KATNAL1: variants seen among roughly 807,000 people sequenced by gnomAD.
KATNAL1 encodes the protein katanin p60 ATPase-containing subunit A-like 1.
A neutral mutation model predicts 55.2 loss-of-function variants in KATNAL1; 32 were observed. The observed-to-expected ratio is 0.58, with a 90% CI of 0.44 to 0.78. The LOEUF is 0.78. KATNAL1 is among the 30% of genes least tolerant of loss of function. The pLI, the probability that KATNAL1 is intolerant of heterozygous loss-of-function variation, is 0.00. For missense variants in KATNAL1, 466 were observed against 600.9 expected (o/e 0.78, Z 2.35); for synonymous variants, 193 against 193.6 (o/e 1.00, Z 0.02).
intron 4 of KATNAL1, among the ~76,000 whole-genome samples, chr13:30,250,580 A>C (rs1878205153): frequency 2.0e-5 from 3 of 152,220 alleles, no homozygotes; most frequent in African/African-American, 7.2e-5. Flanking sequence ...CTCTCAAAAG[A>C]ATATGTCAAT....
intron 1 of KATNAL1, among the ~76,000 whole-genome samples, chr13:30,292,239 T>C (rs1882181975): frequency 6.6e-6 from 1 of 152,158 alleles, no homozygotes; most frequent in Non-Finnish European, 1.5e-5. Flanking sequence ...TGGCTATCCA[T>C]ATGCAAAACA....
At chr13:30,246,319 G>A (rs550935034) in intron 4 of KATNAL1, among the ~76,000 whole-genome samples, 1 of 152,314 alleles carries the variant, frequency 6.6e-6, no homozygotes, top group African/African-American at 2.4e-5. Flanking sequence ...AATAGACGGT[G>A]TTGGGAAAAT....
intron 9 of KATNAL1, among the ~76,000 whole-genome samples, chr13:30,224,148 C>G (rs1875201570): frequency 6.6e-6 from 1 of 151,922 alleles, no homozygotes; most frequent in Non-Finnish European, 1.5e-5. Flanking sequence ...GAAAACAGTT[C>G]TAACTTAATA....
At chr13:30,228,032 T>C (rs1220693484) in intron 8 of KATNAL1, among the ~76,000 whole-genome samples, 1 of 152,186 alleles carries the variant, frequency 6.6e-6, no homozygotes, top group Non-Finnish European at 1.5e-5. Flanking sequence ...AGGTTATATT[T>C]CCATGATGTT....
chr13:30,210,650 G>GA (rs33951005), intron 9 of KATNAL1: 42 of 120,342 alleles, frequency 3.5e-4, no homozygotes, highest in South Asian at 8.8e-4. Context: ...ACTAAAAATT[G>GA]AAAAAAAAAA....
intron 10 of KATNAL1, among the ~76,000 whole-genome samples, chr13:30,209,850 C>T (rs111471335): frequency 0.016 from 2,470 of 152,152 alleles, 64 homozygotes; most frequent in African/African-American, 0.056. Context: ...GGCGCGATCT[C>T]GGCTCACTGC....
chr13:30,281,285 T>A (rs1413387501), intron 2 of KATNAL1, among the ~76,000 whole-genome samples: 2 of 151,502 alleles, frequency 1.3e-5, no homozygotes, highest in East Asian at 3.9e-4. Context: ...TATGAAGGAG[T>A]TACAGATCCA....
chr13:30,290,913 A>G, intron 1 of KATNAL1, among the ~76,000 whole-genome samples: 1 of 152,218 alleles, frequency 6.6e-6, no homozygotes, highest in Non-Finnish European at 1.5e-5. Flanking sequence ...AACATAATTC[A>G]TAAGAATGCT....
chr13:30,220,834 G>A (rs1290490562), intron 9 of KATNAL1, among the ~76,000 whole-genome samples: 2 of 151,956 alleles, frequency 1.3e-5, no homozygotes, highest in Non-Finnish European at 2.9e-5. Flanking sequence ...TGAGTAGCTG[G>A]AATTACAGGC....
intron 4 of KATNAL1, among the ~76,000 whole-genome samples, chr13:30,244,073 T>C (rs1258677219): frequency 6.6e-6 from 1 of 152,092 alleles, no homozygotes; most frequent in Non-Finnish European, 1.5e-5. Flanking sequence ...CATGTTATCC[T>C]TCCCCTAGTC....
chr13:30,261,340 A>C (rs922036015), intron 3 of KATNAL1, among the ~76,000 whole-genome samples: 4 of 152,100 alleles, frequency 2.6e-5, no homozygotes, highest in Non-Finnish European at 5.9e-5. Flanking sequence ...CTAACATCAT[A>C]ATGACAGGAT....
At chr13:30,258,281 C>G (rs604061) in intron 3 of KATNAL1, among the ~76,000 whole-genome samples, 20,573 of 152,168 alleles carry the variant, frequency 0.14, 1,794 homozygotes, top group Middle Eastern at 0.24. Flanking sequence ...TAAGCCTCAT[C>G]TCCTTCGAAA....
chr13:30,290,126 A>G (rs1334977136), intron 1 of KATNAL1, among the ~76,000 whole-genome samples: 1 of 152,236 alleles, frequency 6.6e-6, no homozygotes, highest in South Asian at 2.1e-4. Context: ...TCTTGCTTTC[A>G]GCTTCTATCT....
intron 9 of KATNAL1, among the ~76,000 whole-genome samples, chr13:30,223,115 G>C (rs576584098): frequency 2.0e-5 from 3 of 150,584 alleles, no homozygotes; most frequent in South Asian, 4.2e-4. Flanking sequence ...ACAAAAAAGA[G>C]ATACAGACTG....
intron 4 of KATNAL1, among the ~76,000 whole-genome samples, chr13:30,243,639 G>A (rs1026506431): frequency 4.2e-5 from 6 of 143,426 alleles, no homozygotes; most frequent in Non-Finnish European, 7.6e-5. Flanking sequence ...AAAAAGCAAG[G>A]GCCAGTAACA....
Position 30,203,336 on chromosome 13 carries a change from T to C in KATNAL1, c.*5204A>G, listed in dbSNP as rs1489009299. The C allele has an allele frequency of 4.6e-5, 7 of 152,240 alleles. No individual in the cohort carries two copies. The highest frequency in any genetic ancestry group is 1.0e-4 in the Non-Finnish European group (7 of 68,030). 9.4% of individuals were successfully genotyped at this position (152,240 alleles called of 1,614,324 possible). A position where few individuals can be genotyped will look rare whatever the true frequency, so the allele number is the denominator to read the frequency against. On this transcript the variant is annotated 3_prime_UTR_variant, in exon 11 of 11. Coordinates refer to ENST00000380615, the MANE Select transcript of KATNAL1 (RefSeq NM_032116.5). Reference sequence around the variant, plus strand: ...CTTAAAAGAAACAAATCTGCATAGATGATGAACTGAATTTAATTCAATTCA... The same window carrying C: ...CTTAAAAGAAACAAATCTGCATAGACGATGAACTGAATTTAATTCAATTCA...
intron 1 of KATNAL1, among the ~76,000 whole-genome samples, chr13:30,294,241 G>C (rs9506283): frequency 0.59 from 89,163 of 152,166 alleles, 28,395 homozygotes; most frequent in African/African-American, 0.85. Flanking sequence ...CTAAGATAGG[G>C]CAAGAGGTAG....
chr13:30,294,356 G>C (rs1267742468), intron 1 of KATNAL1, among the ~76,000 whole-genome samples: 1 of 152,190 alleles, frequency 6.6e-6, no homozygotes, highest in African/African-American at 2.4e-5. Flanking sequence ...AAGCAAAACA[G>C]CCTTATTGCT....
At chr13:30,287,881 A>C (rs897719768) in intron 1 of KATNAL1, among the ~76,000 whole-genome samples, 1 of 152,216 alleles carries the variant, frequency 6.6e-6, no homozygotes, top group Non-Finnish European at 1.5e-5. Context: ...TAAATATTTT[A>C]GGCTTTGACA....
Sources: allele counts gnomAD v4.1 joint callset (sites outside exome capture counted in the v4.1 genomes callset), GRCh38; gene constraint gnomAD v4.1.1; transcripts MANE v1.5; gene names NCBI Gene and HGNC (gene_info 2026-07-23, HGNC 2026-07-21).